Variants in SH3GLB2 observed in about 807,000 individuals in gnomAD.
SH3GLB2 encodes SH3 domain containing GRB2 like, endophilin B2, also known as endophilin-B2.
SH3GLB2 carries 24 observed loss-of-function variants against 48.0 expected under a neutral mutation model. That is an observed-to-expected ratio of 0.50 (90% CI 0.36 to 0.70). The LOEUF (loss-of-function observed/expected upper bound fraction) is 0.70. Ranked by LOEUF, SH3GLB2 falls within the 30% of genes least tolerant of loss-of-function variation. The pLI is 0.00. For synonymous variants in SH3GLB2, 227 were observed against 207.6 expected (o/e 1.09, Z -0.80); for missense variants, 425 against 516.0 (o/e 0.82, Z 1.71).
At chr9:129,015,710 C>A in intron 3 of SH3GLB2, 1 of 167,534 alleles carries the variant, frequency 6.0e-6, no homozygotes, top group Non-Finnish European at 1.3e-5. Context: ...TGTGAAGAAA[C>A]AATAAGAGGC....
In SH3GLB2 at chr9:129,015,000, G is replaced by A. The variant is rs575702747; in HGVS notation, c.335-96C>T. 148 of 1,493,880 alleles carry A rather than the reference G, an allele frequency of 9.9e-5. No homozygotes were observed. The highest frequency in any genetic ancestry group is 1.2e-4 in the Non-Finnish European group (134 of 1,110,930). The allele number at this position is 1,493,880 out of a possible 1,614,324, so 92.5% of individuals were successfully genotyped here. A position where few individuals can be genotyped will look rare whatever the true frequency, so the allele number is the denominator to read the frequency against. ...CAGGAAGAGCTTGCTGAAGAGCAAG[G>A]GCCGGGGTGCTCAGTGCAGAATGCT... On this transcript the variant is annotated intron_variant, in intron 3 of 10. Coordinates refer to ENST00000372564, the MANE Select transcript of SH3GLB2 (RefSeq NM_020145.4). The surrounding 1 kb of genome is among the most constrained non-coding windows in gnomAD (Gnocchi z 4.1).
In SH3GLB2 at chr9:129,007,100, G is replaced by A. The variant is rs912366358; in HGVS notation, c.*1584C>T. ...ATTAAAATCTTGTTTATAGACAGCT[G>A]TGTGATGTTTAACTTCAAAGCCCAG... is the stretch of plus-strand genomic sequence containing the variant. On this transcript the variant is annotated 3_prime_UTR_variant, in exon 11 of 11. Transcript: ENST00000372564. 5.2e-5 allele frequency: 8 copies of A among 155,326 alleles called. No homozygotes were observed. In the East Asian group the frequency reaches 1.5e-3, roughly 29 times the overall value. 9.6% of individuals were successfully genotyped at this position (155,326 alleles called of 1,614,324 possible).
chr9:129,010,849 C>T (rs1011123060), intron 6 of SH3GLB2, 156 bp from the exon 7 acceptor site: 12 of 885,030 alleles, frequency 1.4e-5, no homozygotes, highest in East Asian at 5.4e-5. Flanking sequence ...GGCCGAGGCC[C>T]GGCATGGGAG....
rs1843323862 is a variant in SH3GLB2, at chr9:129,014,722, AG to A, written c.468+48del. 6 of 1,590,458 alleles carry A rather than the reference AG, an allele frequency of 3.8e-6. No homozygotes were observed. Among genetic ancestry groups the A allele is most frequent in the Non-Finnish European group, 5.1e-6 (6 of 1,169,084 alleles). ...GAGCCTGTACTCAAAGGCTCTGAGGAGGGAACTGCCATGGTTACCAGGAAGC... is the reference window on the plus strand; with the variant it reads ...GAGCCTGTACTCAAAGGCTCTGAGGAGGAACTGCCATGGTTACCAGGAAGC... On this transcript the variant is annotated intron_variant, in intron 4 of 10. Coordinates refer to ENST00000372564, the MANE Select transcript of SH3GLB2 (RefSeq NM_020145.4). This position sits in a 1 kb window ranked among gnomAD's most constrained non-coding sequence, Gnocchi z 4.1.
intron 9 of SH3GLB2, chr9:129,009,564 C>T (rs1055678232): frequency 1.3e-6 from 2 of 1,542,934 alleles, no homozygotes; most frequent in Non-Finnish European, 1.8e-6. Context: ...CCCTAGAAAC[C>T]CTCAGGGGCT....
intron 2 of SH3GLB2, 142 bp from the exon 3 acceptor site, chr9:129,021,361 C>T (rs1843783547): frequency 9.5e-7 from 1 of 1,055,046 alleles, no homozygotes; most frequent in South Asian, 1.7e-5. Context: ...ATGCCCAACC[C>T]TGAGACTGTT....
intron 5 of SH3GLB2, chr9:129,013,968 G>A (rs540254690): frequency 1.5e-5 from 7 of 458,920 alleles, no homozygotes; most frequent in Admixed American, 2.4e-5. Context: ...CTGAGCAAGC[G>A]GGCGGTCCAG....
intron 1 of SH3GLB2, among the ~76,000 whole-genome samples, chr9:129,024,673 C>T (rs1844034667): frequency 6.6e-6 from 1 of 151,796 alleles, no homozygotes; most frequent in African/African-American, 2.4e-5. Context: ...TATCATGTCA[C>T]TGCACTCCAG....
In SH3GLB2 at chr9:129,011,925, A is replaced by AG. The variant is rs1461573627; in HGVS notation, c.624+310dup. 8 of 320,386 alleles carry AG rather than the reference A, an allele frequency of 2.5e-5. No homozygotes were observed. Among genetic ancestry groups the AG allele is most frequent in the Non-Finnish European group, 4.5e-5 (8 of 176,378 alleles). 19.8% of individuals were successfully genotyped at this position (320,386 alleles called of 1,614,324 possible). On this transcript the variant is annotated intron_variant, in intron 6 of 10. Coordinates refer to ENST00000372564, the MANE Select transcript of SH3GLB2 (RefSeq NM_020145.4). The surrounding 1 kb of genome is among the most constrained non-coding windows in gnomAD (Gnocchi z 4.5). ...GGCATTCAGAGACAGCAGGAGGTGG[A>AG]GGGGCCCTGGGGATGGGACAGCTGC...
intron 2 of SH3GLB2, 149 bp from the exon 3 acceptor site, chr9:129,021,368 T>G (rs997788372): frequency 1.4e-5 from 14 of 979,264 alleles, no homozygotes; most frequent in Middle Eastern, 3.4e-4. Context: ...ACCCTGAGAC[T>G]GTTGTGATTG....
rs1353178270 is a variant in SH3GLB2 at position 129,014,136 on chromosome 9, A to T, written c.561+275T>A. The T allele has an allele frequency of 1.6e-6, 1 of 618,092 alleles. No individual in the cohort carries two copies. Among genetic ancestry groups the T allele is most frequent in the Non-Finnish European group, 3.0e-6 (1 of 332,816 alleles). 38.3% of individuals were successfully genotyped at this position (618,092 alleles called of 1,614,324 possible). On this transcript the variant is annotated intron_variant, in intron 5 of 10. Transcript: ENST00000372564. This position sits in a 1 kb window ranked among gnomAD's most constrained non-coding sequence, Gnocchi z 4.1. ...AGGAGGGCAGGGCAGGGCATGCAGG[A>T]GACTCCAGCTGCCTGGCGGGGTGGT...
chr9:129,019,450 T>C (rs1337912351), intron 3 of SH3GLB2, among the ~76,000 whole-genome samples: 1 of 151,008 alleles, frequency 6.6e-6, no homozygotes, highest in Non-Finnish European at 1.5e-5. Flanking sequence ...TCACGCCTGT[T>C]ATCCCAGCAC....
chr9:129,008,759 G>A lies in SH3GLB2; in HGVS notation c.1113C>T (p.Asp371=), dbSNP rs750933329. The A allele has an allele frequency of 6.2e-7, 1 of 1,614,016 alleles. No individual in the cohort carries two copies. The highest frequency in any genetic ancestry group is 1.3e-5 in the African/African-American group (1 of 74,920). ...CTCTCTCGCCAATGAGCCAGTCAGG[G>A]TCCATGCCAGGCAGGCTGTAGACAG... is the stretch of plus-strand genomic sequence containing the variant. ...LITVYSLPGM[D]PDWLIGERGN... The change falls in exon 11 of 11, where the codon GAC becomes GAT. Residue 371 remains aspartate (D), a synonymous_variant. Transcript: ENST00000372564.
intron 1 of SH3GLB2, among the ~76,000 whole-genome samples, chr9:129,026,780 C>T (rs549492479): frequency 3.9e-5 from 6 of 152,242 alleles, no homozygotes; most frequent in African/African-American, 1.4e-4. Flanking sequence ...TGGGTTCCCC[C>T]CTCCCAGATG....
chr9:129,015,079 CAAAT>C (rs1843348289), intron 3 of SH3GLB2, among the ~76,000 whole-genome samples, 175 bp from the exon 4 acceptor site: 1 of 152,152 alleles, frequency 6.6e-6, no homozygotes, highest in South Asian at 2.1e-4. Context: ...TGGGAACTAA[CAAAT>C]AAACAATGGG....
rs1842829766 is a variant in SH3GLB2, at chr9:129,007,150, C to G, written c.*1534G>C. The G allele has an allele frequency of 6.6e-6, 1 of 152,510 alleles. No homozygotes were observed. The highest frequency in any genetic ancestry group is 6.5e-5 in the Admixed American group (1 of 15,274). 9.4% of individuals were successfully genotyped at this position (152,510 alleles called of 1,614,324 possible). ...GGGATGACAACGTGGCTCTCAGAAC[C>G]TAGAAAACTCCCCTGGCCAGGCGCC... On this transcript the variant is annotated 3_prime_UTR_variant, in exon 11 of 11. Transcript: ENST00000372564.
At chr9:129,010,334 T>C (rs1852648413) in intron 7 of SH3GLB2, 125 bp from the exon 8 acceptor site, 1 of 798,462 alleles carries the variant, frequency 1.3e-6, no homozygotes, top group African/African-American at 1.7e-5. Context: ...GCCTTCTGGG[T>C]CTATGCCTGA....
At chr9:129,022,975 G>A (rs1225823653) in intron 1 of SH3GLB2, among the ~76,000 whole-genome samples, 1 of 152,164 alleles carries the variant, frequency 6.6e-6, no homozygotes, top group Non-Finnish European at 1.5e-5. Flanking sequence ...TGTGACTTTG[G>A]GCAAGGGGCT....
intron 1 of SH3GLB2, among the ~76,000 whole-genome samples, chr9:129,023,943 G>C (rs534117768): frequency 3.3e-5 from 5 of 152,176 alleles, no homozygotes; most frequent in Non-Finnish European, 5.9e-5. Context: ...AGTCCTTTGA[G>C]GGGGGTGGCG....
Sources: gnomAD v4.1 joint callset for allele counts (sites outside exome capture counted in the v4.1 genomes callset) on GRCh38, gnomAD v4.1.1 for gene constraint, Gnocchi (gnomAD v3.1) non-coding constraint, MANE v1.5 for transcripts, NCBI Gene and HGNC (gene_info 2026-07-23, HGNC 2026-07-21) for gene names.